The following VAV3 variants were observed in gnomAD, a reference collection of about 807,000 sequenced individuals.
VAV3 encodes guanine nucleotide exchange factor VAV3.
Under a neutral mutation model 131.2 loss-of-function variants are expected in VAV3, and 94 were observed. That is an observed-to-expected ratio of 0.72 (90% CI 0.61 to 0.85). The LOEUF is 0.85. Ranked by LOEUF, VAV3 falls within the 40% of genes least tolerant of loss-of-function variation. The pLI is 0.00. For synonymous variants in VAV3, 349 were observed against 342.0 expected, an observed-to-expected ratio of 1.02 and a Z score of -0.22; for missense variants, 939 against 1,002.7, an observed-to-expected ratio of 0.94 and a Z score of 0.86.
rs1173992663 is a variant in VAV3 at position 107,952,487 on chromosome 1, C to CAT, written c.204+12178_204+12179insAT. Among the ~76,000 whole-genome samples the CAT allele has an allele frequency of 8.5e-4, 114 of 133,412 alleles. 1 individual carries two copies. The highest frequency in any genetic ancestry group is 3.3e-3 in the African/African-American group (108 of 32,382). 87.5% of individuals were successfully genotyped at this position (133,412 alleles called of 152,430 possible). The stretch of plus-strand genomic sequence containing the variant: ...AAAACTTTATATATATATATATATA[C>CAT]ACACATAAATTCAACCTAAAAAAAG... On this transcript the variant is annotated intron_variant, in intron 1 of 26. Transcript: ENST00000370056.
At chr1:107,803,028 G>A (rs530376327) in intron 2 of VAV3, among the ~76,000 whole-genome samples, 1 of 151,704 alleles carries the variant, frequency 6.6e-6, no homozygotes, top group African/African-American at 2.4e-5. Context: ...GCTCCTTATT[G>A]GTTTGCTGAA....
At chr1:107,739,099 A>G (rs993565877) in intron 15 of VAV3, among the ~76,000 whole-genome samples, 1 of 152,206 alleles carries the variant, frequency 6.6e-6, no homozygotes, top group Non-Finnish European at 1.5e-5. Flanking sequence ...GGAAATTTCG[A>G]TATCATCCTT....
intron 22 of VAV3, among the ~76,000 whole-genome samples, chr1:107,606,958 C>CAT (rs11462358): frequency 4.4e-4 from 63 of 144,530 alleles, no homozygotes; most frequent in African/African-American, 7.2e-4. Context: ...GGAGTCTGAT[C>CAT]TTTTTTTTTT....
intron 1 of VAV3, among the ~76,000 whole-genome samples, chr1:107,902,914 T>C (rs1265917966): frequency 6.6e-6 from 1 of 152,186 alleles, no homozygotes; most frequent in Non-Finnish European, 1.5e-5. Context: ...ACTGATGTTA[T>C]TATACCAAAG....
intron 2 of VAV3, chr1:107,785,449 G>A: frequency 7.5e-7 from 1 of 1,328,832 alleles, no homozygotes; most frequent in Non-Finnish European, 9.9e-7. Flanking sequence ...CGAGGGAAAG[G>A]GTACTTACAG....
At chr1:107,825,675 T>C (rs1245134982) in intron 2 of VAV3, among the ~76,000 whole-genome samples, 1 of 152,142 alleles carries the variant, frequency 6.6e-6, no homozygotes, top group Non-Finnish European at 1.5e-5. Flanking sequence ...CCAAATAAAA[T>C]CCTCTGCTTT....
At chr1:107,627,198 T>C (rs190480027) in intron 20 of VAV3, among the ~76,000 whole-genome samples, 3 of 152,280 alleles carry the variant, frequency 2.0e-5, no homozygotes, top group Admixed American at 2.0e-4. Context: ...AGCGTTTGTT[T>C]TCTGTAAACC....
intron 15 of VAV3, among the ~76,000 whole-genome samples, chr1:107,725,883 C>G (rs1194045477): frequency 6.6e-6 from 1 of 152,110 alleles, no homozygotes; most frequent in Non-Finnish European, 1.5e-5. Flanking sequence ...CTGGCAGTCA[C>G]AGTAGAATGT....
chr1:107,885,874 G>A (rs1381144360), intron 1 of VAV3, among the ~76,000 whole-genome samples: 1 of 152,186 alleles, frequency 6.6e-6, no homozygotes, highest in Non-Finnish European at 1.5e-5. Flanking sequence ...GGAGCTGGGA[G>A]CTACAGGTTC....
intron 12 of VAV3, among the ~76,000 whole-genome samples, chr1:107,754,601 T>TA (rs1340682767): frequency 6.6e-6 from 1 of 152,060 alleles, no homozygotes; most frequent in South Asian, 2.1e-4. Flanking sequence ...AACCTTTTAA[T>TA]AGCTTCCCAC....
At chr1:107,909,828 C>A (rs569523121) in intron 1 of VAV3, among the ~76,000 whole-genome samples, 122 of 152,080 alleles carry the variant, frequency 8.0e-4, no homozygotes, top group Non-Finnish European at 1.3e-3. Context: ...GTGAGAAAAT[C>A]TTTCTAATCA....
chr1:107,839,241 T>C (rs1668593341), intron 2 of VAV3, among the ~76,000 whole-genome samples: 1 of 152,168 alleles, frequency 6.6e-6, no homozygotes, highest in Admixed American at 6.6e-5. Flanking sequence ...TCTTCAAGCT[T>C]ATGACCAAAT....
intron 1 of VAV3, among the ~76,000 whole-genome samples, chr1:107,930,523 C>T (rs1258352372): frequency 6.6e-6 from 1 of 152,144 alleles, no homozygotes; most frequent in Non-Finnish European, 1.5e-5. Context: ...TACCTAACTA[C>T]TTCTGCCCTT....
At chr1:107,606,532 T>C (rs1488954743) in intron 22 of VAV3, among the ~76,000 whole-genome samples, 1 of 152,150 alleles carries the variant, frequency 6.6e-6, no homozygotes, top group Non-Finnish European at 1.5e-5. Flanking sequence ...TTTCTCTTTC[T>C]GGAATTCCTG....
chr1:107,938,821 A>G (rs1673847767), intron 1 of VAV3, among the ~76,000 whole-genome samples: 1 of 152,250 alleles, frequency 6.6e-6, no homozygotes, highest in East Asian at 1.9e-4. Flanking sequence ...ATCTGCACAT[A>G]TGGACACAGT....
chr1:107,686,951 G>A (rs1659074650), intron 18 of VAV3, among the ~76,000 whole-genome samples: 1 of 152,072 alleles, frequency 6.6e-6, no homozygotes, highest in Non-Finnish European at 1.5e-5. Flanking sequence ...AAGGATAAGT[G>A]TTAAGTAACA....
intron 2 of VAV3, among the ~76,000 whole-genome samples, chr1:107,833,643 A>C (rs1283441928): frequency 6.6e-6 from 1 of 152,062 alleles, no homozygotes; most frequent in Non-Finnish European, 1.5e-5. Flanking sequence ...ACTCTTTTTC[A>C]AGGGATGAGT....
At position 107,777,576 on chromosome 1, in the gene VAV3, C is replaced by T. The variant is rs566712191; in HGVS notation, c.381-280G>A. ...TCACATGTGCAGGGGGTCATAATAA[C>T]GTGCTTATCTGATCTCCCACCTGCC... On this transcript the variant is annotated intron_variant, in intron 3 of 26. Transcript: ENST00000370056. The T allele has an allele frequency of 1.8e-5, 8 of 439,848 alleles. 1 individual carries two copies. Among genetic ancestry groups the T allele is most frequent in the South Asian group, 1.5e-4 (5 of 33,018 alleles). 27.2% of individuals were successfully genotyped at this position (439,848 alleles called of 1,614,324 possible).
chr1:107,791,369 T>A (rs892600077), intron 2 of VAV3, among the ~76,000 whole-genome samples: 2 of 84,826 alleles, frequency 2.4e-5, no homozygotes, highest in Non-Finnish European at 4.9e-5. Flanking sequence ...AAAAGGAAGT[T>A]TTTTTTGGTG....
Sources: allele counts gnomAD v4.1 joint callset (sites outside exome capture counted in the v4.1 genomes callset), GRCh38; gene constraint gnomAD v4.1.1; transcripts MANE v1.5; gene names NCBI Gene and HGNC (gene_info 2026-07-23, HGNC 2026-07-21).